The following UBASH3B variants were observed in gnomAD, a reference collection of about 807,000 sequenced individuals.
The protein encoded by UBASH3B is ubiquitin associated and SH3 domain containing B.
UBASH3B carries 37 observed loss-of-function variants against 83.4 expected under a neutral mutation model. That is an observed-to-expected ratio of 0.44 (90% CI 0.34 to 0.58). The LOEUF is 0.58. Ranked by LOEUF, UBASH3B falls within the 20% of genes least tolerant of loss-of-function variation. The pLI is 0.01. For synonymous variants in UBASH3B, 304 were observed against 318.3 expected, an observed-to-expected ratio of 0.96 and a Z score of 0.48; for missense variants, 657 against 827.2, an observed-to-expected ratio of 0.79 and a Z score of 2.52.
intron 1 of UBASH3B, among the ~76,000 whole-genome samples, chr11:122,690,702 C>T (rs570471670): frequency 9.2e-5 from 14 of 152,246 alleles, no homozygotes; most frequent in Admixed American, 9.2e-4. Context: ...ACACATAGCG[C>T]TATGCTCCCT....
chr11:122,788,362 A>C (rs1390626296), intron 5 of UBASH3B, among the ~76,000 whole-genome samples: 1 of 152,164 alleles, frequency 6.6e-6, no homozygotes, highest in South Asian at 2.1e-4. Context: ...TGAGGTCAGG[A>C]GTTCGAGACC....
chr11:122,766,599 C>T (rs1335724391), intron 1 of UBASH3B, among the ~76,000 whole-genome samples: 2 of 151,840 alleles, frequency 1.3e-5, no homozygotes, highest in African/African-American at 4.8e-5. Context: ...TAAAATTAGC[C>T]GGACGTGGTG....
At chr11:122,691,541 G>A (rs768223936) in intron 1 of UBASH3B, among the ~76,000 whole-genome samples, 5 of 152,170 alleles carry the variant, frequency 3.3e-5, no homozygotes, top group Non-Finnish European at 2.9e-5. Flanking sequence ...TTCTCCCACC[G>A]GGGTGCTGCT....
At chr11:122,683,239 C>CAA (rs59693425) in intron 1 of UBASH3B, among the ~76,000 whole-genome samples, 33 of 132,952 alleles carry the variant, frequency 2.5e-4, no homozygotes, top group South Asian at 4.9e-4. Flanking sequence ...GACCTTGTTT[C>CAA]AAAAAAAAAA....
chr11:122,721,973 T>G (rs1424674707), intron 1 of UBASH3B, among the ~76,000 whole-genome samples: 1 of 152,198 alleles, frequency 6.6e-6, no homozygotes, highest in Non-Finnish European at 1.5e-5. Context: ...TACACAGACT[T>G]TTTGATTCTT....
intron 1 of UBASH3B, among the ~76,000 whole-genome samples, chr11:122,730,344 C>A (rs1175388377): frequency 6.6e-6 from 1 of 152,040 alleles, no homozygotes; most frequent in Non-Finnish European, 1.5e-5. Flanking sequence ...GAGGTTCCCG[C>A]CTTTCCATGT....
In UBASH3B at chr11:122,743,468, G is replaced by A. The variant is rs547403780; in HGVS notation, c.162-32751G>A. ...TGGGCTCAAGTGACCCTCCTGCTTC[G>A]GCTTCCAGAGTTTCGGGATTACAGG... On this transcript the variant is annotated intron_variant, in intron 1 of 13. Coordinates refer to ENST00000284273, the MANE Select transcript of UBASH3B (RefSeq NM_032873.5). Among the ~76,000 whole-genome samples, 25 of 152,180 alleles carry A rather than the reference G, an allele frequency of 1.6e-4. No homozygotes were observed. The South Asian group carries it at 2.9e-3, about 18-fold the overall frequency.
At chr11:122,685,559 C>G (rs987478516) in intron 1 of UBASH3B, among the ~76,000 whole-genome samples, 3 of 152,160 alleles carry the variant, frequency 2.0e-5, no homozygotes, top group African/African-American at 7.2e-5. Flanking sequence ...CTCTGTCACC[C>G]AAGCTGAAGT....
chr11:122,769,214 G>A (rs981348970), intron 1 of UBASH3B, among the ~76,000 whole-genome samples: 2 of 152,176 alleles, frequency 1.3e-5, no homozygotes, highest in Non-Finnish European at 2.9e-5. Context: ...GAGAGAAGAA[G>A]GGAGAGAGAG....
chr11:122,800,909 G>A (rs747334203), intron 10 of UBASH3B, among the ~76,000 whole-genome samples: 5 of 152,054 alleles, frequency 3.3e-5, no homozygotes. Flanking sequence ...ACCCAGCCTC[G>A]AATAAATTAT....
intron 1 of UBASH3B, among the ~76,000 whole-genome samples, chr11:122,712,536 T>C (rs1864209569): frequency 6.6e-6 from 1 of 152,106 alleles, no homozygotes; most frequent in Non-Finnish European, 1.5e-5. Context: ...CAGGGTCCTG[T>C]TGGTGCTCGC....
chr11:122,768,098 A>C (rs1860582708), intron 1 of UBASH3B, among the ~76,000 whole-genome samples: 1 of 152,188 alleles, frequency 6.6e-6, no homozygotes, highest in African/African-American at 2.4e-5. Flanking sequence ...GTAGTTTGCT[A>C]TCTGGGACGA....
chr11:122,694,915 TTTTTA>T lies in UBASH3B; in HGVS notation c.161+38719_161+38723del, dbSNP rs1182574299. Among the ~76,000 whole-genome samples, 89 of 151,210 alleles carry T rather than the reference TTTTTA, an allele frequency of 5.9e-4. 2 individuals are homozygous for T. In the East Asian group the frequency reaches 0.013, roughly 23 times the overall value. On this transcript the variant is annotated intron_variant, in intron 1 of 13. Transcript: ENST00000284273. ...TGCCATCCACCAGTGATGTGCTTTATTTTTATTTTATTTTATTTATTTTTCTTTTC... is the reference window on the plus strand; with the variant it reads ...TGCCATCCACCAGTGATGTGCTTTATTTTTATTTTATTTATTTTTCTTTTC...
intron 1 of UBASH3B, among the ~76,000 whole-genome samples, chr11:122,728,068 G>A (rs1281790345): frequency 6.6e-6 from 1 of 152,054 alleles, no homozygotes; most frequent in Non-Finnish European, 1.5e-5. Context: ...AAACTACGGG[G>A]CTCAAGCAGT....
At chr11:122,714,791 G>A (rs1270278624) in intron 1 of UBASH3B, among the ~76,000 whole-genome samples, 1 of 152,168 alleles carries the variant, frequency 6.6e-6, no homozygotes, top group African/African-American at 2.4e-5. Flanking sequence ...AGAGGTGTCT[G>A]GCAAGCCTGT....
intron 1 of UBASH3B, among the ~76,000 whole-genome samples, chr11:122,747,069 C>T (rs1431009099): frequency 6.6e-6 from 1 of 151,940 alleles, no homozygotes; most frequent in South Asian, 2.1e-4. Flanking sequence ...GCAGAGGCTG[C>T]GGGGTGGGGG....
At chr11:122,742,284 G>T (rs564179656) in intron 1 of UBASH3B, among the ~76,000 whole-genome samples, 4 of 152,198 alleles carry the variant, frequency 2.6e-5, no homozygotes, top group Non-Finnish European at 4.4e-5. Context: ...GAAGCAAACC[G>T]AGCCAAGAAG....
chr11:122,720,600 A>G (rs1021865903), intron 1 of UBASH3B, among the ~76,000 whole-genome samples: 1 of 152,134 alleles, frequency 6.6e-6, no homozygotes, highest in Admixed American at 6.6e-5. Flanking sequence ...GTTTCCTAGC[A>G]TGTACCTCCT....
chr11:122,765,436 G>A (rs1007280901), intron 1 of UBASH3B, among the ~76,000 whole-genome samples: 9 of 152,180 alleles, frequency 5.9e-5, no homozygotes, highest in Admixed American at 4.6e-4. Context: ...TGGAGAGTGG[G>A]ACTCTTGCTT....
Sources: gnomAD v4.1 joint callset for allele counts (sites outside exome capture counted in the v4.1 genomes callset) on GRCh38, gnomAD v4.1.1 for gene constraint, MANE v1.5 for transcripts, NCBI Gene and HGNC (gene_info 2026-07-23, HGNC 2026-07-21) for gene names.